TAFA2: variants seen among roughly 807,000 people sequenced by gnomAD.
TAFA2 encodes the protein TAFA chemokine like family member 2.
In TAFA2, 7 loss-of-function variants were observed where a neutral mutation model predicts 18.8. The observed-to-expected ratio is 0.37, with a 90% CI of 0.21 to 0.70. The LOEUF (loss-of-function observed/expected upper bound fraction) is 0.70, where lower values mean the gene tolerates loss of function less well. Ranked by LOEUF, TAFA2 falls within the 30% of genes least tolerant of loss-of-function variation. The pLI, the probability that TAFA2 is intolerant of heterozygous loss-of-function variation, is 0.53. For missense variants in TAFA2, 122 were observed against 158.1 expected (o/e 0.77, Z 1.23); for synonymous variants, 60 against 54.2 (o/e 1.11, Z -0.47).
chr12:61,886,882 G>T (rs1199625816), intron 1 of TAFA2, among the ~76,000 whole-genome samples: 1 of 152,202 alleles, frequency 6.6e-6, no homozygotes, highest in Non-Finnish European at 1.5e-5. Flanking sequence ...TTGGGAACCA[G>T]ACTTCCTGGA....
At chr12:61,988,135 A>G (rs1266856123) in intron 1 of TAFA2, among the ~76,000 whole-genome samples, 1 of 152,106 alleles carries the variant, frequency 6.6e-6, no homozygotes, top group Admixed American at 6.6e-5. Context: ...TCCAGACAGA[A>G]CTTAGCACCC....
intron 2 of TAFA2, among the ~76,000 whole-genome samples, chr12:61,832,986 C>T (rs1330203434): frequency 6.7e-6 from 1 of 148,506 alleles, no homozygotes; most frequent in Non-Finnish European, 1.5e-5. Context: ...ATTGTAGGGA[C>T]TGATGTGGGA....
intron 1 of TAFA2, among the ~76,000 whole-genome samples, chr12:62,227,623 T>C (rs937115965): frequency 1.3e-5 from 2 of 152,210 alleles, no homozygotes; most frequent in African/African-American, 4.8e-5. Context: ...AGATTTTAGC[T>C]TGATATAATA....
chr12:61,998,167 G>A (rs1316173810), intron 1 of TAFA2, among the ~76,000 whole-genome samples: 1 of 152,092 alleles, frequency 6.6e-6, no homozygotes, highest in African/African-American at 2.4e-5. Context: ...AAGGAGAGTG[G>A]AAATTTTCCT....
intron 1 of TAFA2, among the ~76,000 whole-genome samples, chr12:61,872,226 A>G (rs374383841): frequency 4.2e-4 from 64 of 152,306 alleles, no homozygotes; most frequent in African/African-American, 1.5e-3. Context: ...AAAAGATAAA[A>G]GTGGAGGCTT....
intron 2 of TAFA2, among the ~76,000 whole-genome samples, chr12:61,769,157 A>G (rs1440223016): frequency 6.6e-6 from 1 of 151,250 alleles, no homozygotes; most frequent in Admixed American, 6.6e-5. Flanking sequence ...CCTGAGAACT[A>G]TATCCTTATC....
intron 1 of TAFA2, among the ~76,000 whole-genome samples, chr12:61,974,932 T>C (rs1879376157): frequency 6.6e-6 from 1 of 151,780 alleles, no homozygotes; most frequent in Admixed American, 6.6e-5. Flanking sequence ...ATGACAAAGT[T>C]AGTGGGAAAC....
At chr12:61,795,053 T>A (rs1023011308) in intron 2 of TAFA2, among the ~76,000 whole-genome samples, 1 of 152,114 alleles carries the variant, frequency 6.6e-6, no homozygotes, top group Non-Finnish European at 1.5e-5. Context: ...CCAGTTAGAA[T>A]GGTGATCATT....
chr12:61,739,679 C>G (rs1433364839), intron 4 of TAFA2, among the ~76,000 whole-genome samples: 1 of 151,968 alleles, frequency 6.6e-6, no homozygotes, highest in African/African-American at 2.4e-5. Context: ...AAGAAGTCCT[C>G]AAAGCTATAA....
At chr12:61,720,998 G>A in intron 4 of TAFA2, 1 of 498,790 alleles carries the variant, frequency 2.0e-6, no homozygotes, top group South Asian at 1.5e-5. Flanking sequence ...GGAGAAAGGG[G>A]ACATTACAAC....
intron 1 of TAFA2, among the ~76,000 whole-genome samples, chr12:62,059,272 G>T (rs916620114): frequency 6.6e-6 from 1 of 151,466 alleles, no homozygotes; most frequent in Middle Eastern, 3.2e-3. Flanking sequence ...ATCTATGATT[G>T]CACCACTGCA....
chr12:62,148,676 T>A (rs2062304861), intron 1 of TAFA2, among the ~76,000 whole-genome samples: 1 of 152,192 alleles, frequency 6.6e-6, no homozygotes. Context: ...TACCTGCACA[T>A]GTACCCTCTG....
At chr12:62,240,236 T>C (rs2062856404) in intron 1 of TAFA2, among the ~76,000 whole-genome samples, 1 of 151,906 alleles carries the variant, frequency 6.6e-6, no homozygotes, top group South Asian at 2.1e-4. Flanking sequence ...CTGGCCAACA[T>C]GATGAAACCC....
At chr12:61,921,111 C>G (rs577037542) in intron 1 of TAFA2, among the ~76,000 whole-genome samples, 2 of 152,114 alleles carry the variant, frequency 1.3e-5, no homozygotes, top group African/African-American at 2.4e-5. Context: ...GAATGATTGG[C>G]CATTATGAGG....
intron 1 of TAFA2, among the ~76,000 whole-genome samples, chr12:61,927,018 TAAGCCGAG>T (rs1235971341): frequency 7.6e-6 from 1 of 131,212 alleles, no homozygotes; most frequent in Non-Finnish European, 1.5e-5. Context: ...GAGGTTGCAG[TAAGCCGAG>T]ATCGCACCAC....
At chr12:61,871,689 TCTC>T (rs1225339788) in intron 1 of TAFA2, among the ~76,000 whole-genome samples, 1 of 152,160 alleles carries the variant, frequency 6.6e-6, no homozygotes, top group African/African-American at 2.4e-5. Flanking sequence ...GACGATTAAA[TCTC>T]CTGGACTTTC....
intron 1 of TAFA2, among the ~76,000 whole-genome samples, chr12:61,908,582 A>T (rs924295002): frequency 6.6e-6 from 1 of 152,134 alleles, no homozygotes; most frequent in African/African-American, 2.4e-5. Flanking sequence ...GATTCCAGGT[A>T]CGCTCAAAAA....
intron 2 of TAFA2, among the ~76,000 whole-genome samples, chr12:61,857,212 T>C (rs1037816931): frequency 1.3e-5 from 2 of 151,996 alleles, no homozygotes; most frequent in South Asian, 2.1e-4. Context: ...AAATTAATAA[T>C]AGAAACATTG....
chr12:61,865,291 G>A (rs11174204), intron 2 of TAFA2, among the ~76,000 whole-genome samples: 12,846 of 152,156 alleles, frequency 0.084, 765 homozygotes, highest in East Asian at 0.19. Context: ...TGGATGGTGA[G>A]CACACTAGTA....
Sources: gnomAD v4.1 joint callset for allele counts (sites outside exome capture counted in the v4.1 genomes callset) on GRCh38, gnomAD v4.1.1 for gene constraint, MANE v1.5 for transcripts, NCBI Gene and HGNC (gene_info 2026-07-23, HGNC 2026-07-21) for gene names.